Variants in ARHGAP35 observed in about 807,000 individuals in gnomAD.
The protein encoded by ARHGAP35 is Rho GTPase activating protein 35.
In ARHGAP35, 15 loss-of-function variants were observed where a neutral mutation model predicts 111.1. The ratio of observed to expected loss-of-function variants is 0.13; its 90% confidence interval spans 0.09 to 0.21. The LOEUF is 0.21. Ranked by LOEUF, ARHGAP35 falls within the 10% of genes least tolerant of loss-of-function variation. The pLI is 1.00. For synonymous variants in ARHGAP35, 643 were observed against 710.3 expected (o/e 0.91, Z 1.51); for missense variants, 1,262 against 1,873.0 (o/e 0.67, Z 6.02).
In ARHGAP35 at chr19:46,920,450, A is replaced by T; in HGVS notation, c.1775A>T (p.Asp592Val). 1 of 1,613,824 alleles carries T rather than the reference A, an allele frequency of 6.2e-7. No individual in the cohort carries two copies. The highest frequency in any genetic ancestry group is 1.1e-5 in the South Asian group (1 of 91,078). The change falls in exon 2 of 7, where the codon GAC becomes GTC. Residue 592 changes from aspartate to valine, a missense_variant. By Grantham distance (152) the Asp-to-Val change is radical (BLOSUM62 -3). Transcript: ENST00000672722. The surrounding 1 kb of genome is among the most constrained non-coding windows in gnomAD (Gnocchi z 7.0). ...CGGAATCAGAAAAATTCACTCTCTGACCCTAACATTGATAGAATCAACTTG... is the reference window on the plus strand; with the variant it reads ...CGGAATCAGAAAAATTCACTCTCTGTCCCTAACATTGATAGAATCAACTTG... The part of the protein sequence containing the change: ...SDRNQKNSLS[D>V]PNIDRINLVI...
intron 3 of ARHGAP35, among the ~76,000 whole-genome samples, chr19:46,981,651 C>A (rs1404084505): frequency 1.3e-5 from 2 of 152,160 alleles, no homozygotes; most frequent in Non-Finnish European, 2.9e-5. Flanking sequence ...GGGCATCTCT[C>A]CATTTTTTTA....
chr19:46,925,506 A>G (rs940590585), intron 2 of ARHGAP35, among the ~76,000 whole-genome samples: 3 of 152,164 alleles, frequency 2.0e-5, no homozygotes, highest in African/African-American at 7.2e-5. Context: ...TGGTAAGGGA[A>G]AATACACTGA....
At position 46,883,274 on chromosome 19, in the gene ARHGAP35, T is replaced by TG. The variant is rs1555754653; in HGVS notation, c.-189+22065_-189+22066insG. ...CATGCCTGGCTAATTTTTTTTTTTT[T>TG]TTGTTAGTAGAGACAGGGTTTCGCC... is the stretch of plus-strand genomic sequence containing the variant. On this transcript the variant is annotated intron_variant, in intron 1 of 6. Coordinates refer to ENST00000672722, the MANE Select transcript of ARHGAP35 (RefSeq NM_004491.5). 5.6e-3 allele frequency among the ~76,000 whole-genome samples: 851 copies of TG among 151,706 alleles called. 4 individuals carry two copies. Among genetic ancestry groups the TG allele is most frequent in the African/African-American group, 0.016 (651 of 41,306 alleles).
Position 46,920,223 on chromosome 19 carries a change from G to A in ARHGAP35, c.1548G>A (p.Lys516=). The A allele has an allele frequency of 6.2e-7, 1 of 1,613,858 alleles. No homozygotes were observed. The highest frequency in any genetic ancestry group is 2.2e-5 in the East Asian group (1 of 44,900). Residue 516 remains lysine, a synonymous_variant, in exon 2 of 7, where the codon AAG becomes AAA. Coordinates refer to ENST00000672722, the MANE Select transcript of ARHGAP35 (RefSeq NM_004491.5). This position sits in a 1 kb window ranked among gnomAD's most constrained non-coding sequence, Gnocchi z 7.0. ...LELDAKPSKE[K]MGVIQDVLGE... ...TGGATGCTAAGCCCAGCAAGGAGAA[G>A]ATGGGTGTTATTCAGGATGTTCTGG...
At chr19:46,941,522 TCATAC>T (rs1219963391) in intron 3 of ARHGAP35, among the ~76,000 whole-genome samples, 3 of 151,002 alleles carry the variant, frequency 2.0e-5, no homozygotes, top group Admixed American at 6.6e-5. Context: ...TGAGCTGTGA[TCATAC>T]CACTGCACTC....
chr19:46,902,667 A>G lies in ARHGAP35; in HGVS notation c.-188-15821A>G, dbSNP rs567359109. On this transcript the variant is annotated intron_variant, in intron 1 of 6. Transcript: ENST00000672722. Reference sequence around the variant, plus strand: ...ACAGTCAGTAAGGAAAATGGAGTTGAGCAGCCTGTTTTTTGAACTCAGGTA... The same window carrying G: ...ACAGTCAGTAAGGAAAATGGAGTTGGGCAGCCTGTTTTTTGAACTCAGGTA... Among the ~76,000 whole-genome samples, 5 of 152,288 alleles carry G rather than the reference A, an allele frequency of 3.3e-5. No homozygotes were observed. The South Asian group carries it at 1.0e-3, about 32-fold the overall frequency.
chr19:46,880,924 CCTCAGCCT>C (rs1328904076), intron 1 of ARHGAP35, among the ~76,000 whole-genome samples: 3 of 151,196 alleles, frequency 2.0e-5, no homozygotes, highest in Non-Finnish European at 4.4e-5. Context: ...GATCCTCCTG[CCTCAGCCT>C]CTCAAATGAA....
chr19:46,988,226 G>A lies in ARHGAP35; in HGVS notation c.3904+160G>A. 3.0e-6 allele frequency: 2 copies of A among 677,422 alleles called. No individual in the cohort carries two copies. The highest frequency in any genetic ancestry group is 1.8e-5 in the South Asian group (1 of 56,396). The allele number at this position is 677,422 out of a possible 1,614,324, so 42.0% of individuals were successfully genotyped here. The stretch of plus-strand genomic sequence containing the variant: ...AAAGAGACCATGTGTGGCTGCAGCG[G>A]GGAGGAGGGGACCGGGTCCTGTCAG... On this transcript the variant is annotated intron_variant, in intron 4 of 6. Coordinates refer to ENST00000672722, the MANE Select transcript of ARHGAP35 (RefSeq NM_004491.5). The surrounding 1 kb of genome is among the most constrained non-coding windows in gnomAD (Gnocchi z 5.4).
intron 1 of ARHGAP35, among the ~76,000 whole-genome samples, chr19:46,916,863 A>G (rs150286190): frequency 1.3e-3 from 193 of 152,220 alleles, no homozygotes; most frequent in African/African-American, 4.5e-3. Flanking sequence ...CTAAGGTGTC[A>G]GTTTCCTAAA....
rs1253876555 is a variant in ARHGAP35 at position 46,919,501 on chromosome 19, A to G, written c.826A>G (p.Lys276Glu). ...TCAGCAGATAGCTACAGCAAAAGACAAGTATGAGTGGCTGGTGAGTCGCAT... is the reference window on the plus strand; with the variant it reads ...TCAGCAGATAGCTACAGCAAAAGACGAGTATGAGTGGCTGGTGAGTCGCAT... ...QSQQIATAKD[K>E]YEWLVSRIVK... The change falls in exon 2 of 7, where the codon AAG becomes GAG. Residue 276 changes from lysine (K) to glutamate (E), a missense_variant. Physicochemically the swap from Lys to Glu is moderately conservative, Grantham distance 56. Transcript: ENST00000672722. This position sits in a 1 kb window ranked among gnomAD's most constrained non-coding sequence, Gnocchi z 6.2. The G allele has an allele frequency of 6.2e-7, 1 of 1,613,976 alleles. No individual in the cohort carries two copies. Among genetic ancestry groups the G allele is most frequent in the East Asian group, 2.2e-5 (1 of 44,876 alleles).
intron 1 of ARHGAP35, among the ~76,000 whole-genome samples, chr19:46,878,540 A>G (rs908754190): frequency 1.3e-5 from 2 of 152,076 alleles, no homozygotes; most frequent in African/African-American, 2.4e-5. Flanking sequence ...GGTGGTCTCA[A>G]ACTCTTAGCC....
At chr19:46,900,841 T>G (rs1189075090) in intron 1 of ARHGAP35, among the ~76,000 whole-genome samples, 5 of 152,178 alleles carry the variant, frequency 3.3e-5, no homozygotes, top group Non-Finnish European at 7.4e-5. Flanking sequence ...GTCCCCCAGA[T>G]GCCCAGATTC....
intron 3 of ARHGAP35, among the ~76,000 whole-genome samples, chr19:46,957,714 G>A (rs2056448658): frequency 6.6e-6 from 1 of 152,160 alleles, no homozygotes; most frequent in Non-Finnish European, 1.5e-5. Flanking sequence ...AACTATTTTG[G>A]TACAGTGGCA....
chr19:46,972,360 A>C (rs554146751), intron 3 of ARHGAP35, among the ~76,000 whole-genome samples: 2 of 152,370 alleles, frequency 1.3e-5, no homozygotes, highest in African/African-American at 4.8e-5. Context: ...CTTTATAACT[A>C]ACTGAGAACA....
At position 46,938,342 on chromosome 19, in the gene ARHGAP35, A is replaced by ATTTTAT. The variant is rs565892354; in HGVS notation, c.3826+957_3826+962dup. On this transcript the variant is annotated intron_variant, in intron 3 of 6. Coordinates refer to ENST00000672722, the MANE Select transcript of ARHGAP35 (RefSeq NM_004491.5). ...AGCAGGGAAGATGGCTTTATTTATT[A>ATTTTAT]TTTTATTTTTATTTTTATTTTTATT... 1.1e-3 allele frequency among the ~76,000 whole-genome samples: 162 copies of ATTTTAT among 152,084 alleles called. 2 individuals carry two copies. The highest frequency in any genetic ancestry group is 3.6e-3 in the African/African-American group (150 of 41,496).
At chr19:46,861,555 C>T (rs1445387430) in intron 1 of ARHGAP35, among the ~76,000 whole-genome samples, 1 of 151,196 alleles carries the variant, frequency 6.6e-6, no homozygotes, top group Non-Finnish European at 1.5e-5. Context: ...GCCCCCCTTC[C>T]CCCTTCCACC....
intron 5 of ARHGAP35, among the ~76,000 whole-genome samples, chr19:46,998,005 G>A (rs2056722952): frequency 1.3e-5 from 2 of 152,262 alleles, no homozygotes; most frequent in Non-Finnish European, 1.5e-5. Context: ...GGGAGGCTGA[G>A]GCAGGAGAAT....
chr19:46,879,615 T>TAAATAAATAAATAAATAAATAAAA lies in ARHGAP35; in HGVS notation c.-189+18409_-189+18410insTAAATAAATAAATAAATAAAAAAA, dbSNP rs1381786999. Among the ~76,000 whole-genome samples the TAAATAAATAAATAAATAAATAAAA allele has an allele frequency of 2.4e-4, 35 of 147,494 alleles. No individual in the cohort carries two copies. The East Asian group carries it at 2.4e-3, about 10-fold the overall frequency. On this transcript the variant is annotated intron_variant, in intron 1 of 6. Transcript: ENST00000672722. ...ATAAATAAATAAATAAATAAATAAATAAAAATAAAAATACAAAAATTAGCC... is the reference window on the plus strand; with the variant it reads ...ATAAATAAATAAATAAATAAATAAATAAATAAATAAATAAATAAATAAAAAAAAATAAAAATACAAAAATTAGCC...
intron 3 of ARHGAP35, among the ~76,000 whole-genome samples, chr19:46,974,527 G>A (rs1346115087): frequency 6.6e-6 from 1 of 152,184 alleles, no homozygotes; most frequent in East Asian, 1.9e-4. Context: ...CAAGGGACAG[G>A]ATGTATGCAA....
Sources: allele counts gnomAD v4.1 joint callset (sites outside exome capture counted in the v4.1 genomes callset), GRCh38; gene constraint gnomAD v4.1.1; non-coding constraint Gnocchi (gnomAD v3.1); transcripts MANE v1.5; gene names NCBI Gene and HGNC (gene_info 2026-07-23, HGNC 2026-07-21).